The following STK38L variants were observed in gnomAD, a reference collection of about 807,000 sequenced individuals.
STK38L encodes serine/threonine-protein kinase 38-like.
Under a neutral mutation model 59.7 loss-of-function variants are expected in STK38L, and 28 were observed. The ratio of observed to expected loss-of-function variants is 0.47; its 90% CI spans 0.35 to 0.64. The LOEUF (loss-of-function observed/expected upper bound fraction) is 0.64, where lower values mean the gene tolerates loss of function less well. STK38L is among the 30% of genes least tolerant of loss of function. The probability of loss-of-function intolerance (pLI) is 0.01; values close to 1 mark genes in which losing one functional copy is unlikely to be tolerated. For synonymous variants in STK38L, 162 were observed against 176.8 expected, an observed-to-expected ratio of 0.92 and a Z score of 0.66; for missense variants, 314 against 555.8, an observed-to-expected ratio of 0.56 and a Z score of 4.37.
intron 12 of STK38L, 88 bp downstream of exon 12, chr12:27,319,511 T>C: frequency 1.1e-6 from 1 of 872,354 alleles, no homozygotes; most frequent in East Asian, 2.5e-5. Flanking sequence ...TCTGCTAGAT[T>C]AAATACAAAA....
chr12:27,316,983 G>A (rs1944600734), intron 9 of STK38L, among the ~76,000 whole-genome samples: 1 of 152,128 alleles, frequency 6.6e-6, no homozygotes, highest in South Asian at 2.1e-4. Flanking sequence ...GAAATAGACT[G>A]AAGGCTATAT....
intron 11 of STK38L, 77 bp downstream of exon 11, chr12:27,318,096 G>T (rs1160815740): frequency 1.9e-6 from 3 of 1,564,510 alleles, no homozygotes; most frequent in African/African-American, 1.4e-5. Context: ...TTTCACTTTT[G>T]TGGGGGAAGA....
chr12:27,325,213 C>T lies in STK38L; in HGVS notation c.*2758C>T, dbSNP rs1944813204. On this transcript the variant is annotated 3_prime_UTR_variant, in exon 14 of 14. Coordinates refer to ENST00000389032, the MANE Select transcript of STK38L (RefSeq NM_015000.4). ...CTTATAAACCAGCCACTTCTGAATACAATATGTAGCTGATTTAATAAGCTA... is the reference window on the plus strand; with the variant it reads ...CTTATAAACCAGCCACTTCTGAATATAATATGTAGCTGATTTAATAAGCTA... 6.6e-6 allele frequency: 1 copy of T among 152,054 alleles called. No individual in the cohort carries two copies. The highest frequency in any genetic ancestry group is 2.1e-4 in the South Asian group (1 of 4,832). The allele number at this position is 152,054 out of a possible 1,614,324, so 9.4% of individuals were successfully genotyped here.
chr12:27,268,090 G>A (rs1018380282), intron 1 of STK38L, among the ~76,000 whole-genome samples: 5 of 151,864 alleles, frequency 3.3e-5, no homozygotes, highest in African/African-American at 7.3e-5. Context: ...TCTGCTAGTC[G>A]GTGGCTTATT....
chr12:27,292,692 T>C (rs1448548789), intron 1 of STK38L, among the ~76,000 whole-genome samples: 1 of 152,208 alleles, frequency 6.6e-6, no homozygotes, highest in Non-Finnish European at 1.5e-5. Context: ...TTTGCCCTTA[T>C]TTGGTTTTTA....
chr12:27,268,014 G>A (rs1181019660), intron 1 of STK38L, among the ~76,000 whole-genome samples: 1 of 152,156 alleles, frequency 6.6e-6, no homozygotes, highest in Non-Finnish European at 1.5e-5. Flanking sequence ...AAACAACTTT[G>A]TAAGAATAGC....
rs575860774 is a variant in STK38L at position 27,314,776 on chromosome 12, G to A, written c.672+118G>A. The stretch of plus-strand genomic sequence containing the variant: ...AGAATATTGCTAAACAACATTATAT[G>A]ATAAGGTACTAGGAGAGGACTTGGG... On this transcript the variant is annotated intron_variant, in intron 7 of 13. Transcript: ENST00000389032. 6.6e-5 allele frequency: 79 copies of A among 1,188,742 alleles called. No individual in the cohort carries two copies. In the African/African-American group the frequency reaches 1.1e-3, roughly 17 times the overall value. The allele number at this position is 1,188,742 out of a possible 1,614,324, so 73.6% of individuals were successfully genotyped here.
chr12:27,304,258 CAA>C (rs34994566), intron 3 of STK38L, among the ~76,000 whole-genome samples: 1,180 of 62,816 alleles, frequency 0.019, 8 homozygotes, highest in Middle Eastern at 0.057. Flanking sequence ...GAGTCTGTCT[CAA>C]AAAAAAAAAA....
intron 2 of STK38L, among the ~76,000 whole-genome samples, chr12:27,298,721 T>G (rs1378664088): frequency 6.6e-6 from 1 of 152,084 alleles, no homozygotes; most frequent in African/African-American, 2.4e-5. Context: ...TATACATGCA[T>G]AAAAGGAAGG....
In STK38L at chr12:27,323,258, T is replaced by G. The variant is rs985427511; in HGVS notation, c.*803T>G. The stretch of plus-strand genomic sequence containing the variant: ...TTCTTGTGACAAGAGAACTTCTTTT[T>G]TTAACAAGAGGACATGGCATTATTT... On this transcript the variant is annotated 3_prime_UTR_variant, in exon 14 of 14. Transcript: ENST00000389032. 1 of 152,218 alleles carries G rather than the reference T, an allele frequency of 6.6e-6. No homozygotes were observed. The highest frequency in any genetic ancestry group is 1.5e-5 in the Non-Finnish European group (1 of 68,008). 9.4% of individuals were successfully genotyped at this position (152,218 alleles called of 1,614,324 possible). A position where few individuals can be genotyped will look rare whatever the true frequency, so the allele number is the denominator to read the frequency against.
intron 1 of STK38L, among the ~76,000 whole-genome samples, chr12:27,249,313 C>T (rs1942922638): frequency 6.6e-6 from 1 of 152,120 alleles, no homozygotes. Flanking sequence ...TGTGATAACA[C>T]TTCTACTATG....
At chr12:27,260,375 A>G (rs1474183089) in intron 1 of STK38L, among the ~76,000 whole-genome samples, 1 of 152,224 alleles carries the variant, frequency 6.6e-6, no homozygotes, top group Non-Finnish European at 1.5e-5. Flanking sequence ...TTCTCATAAC[A>G]TCTAGTGAAA....
intron 1 of STK38L, among the ~76,000 whole-genome samples, chr12:27,264,374 AAG>A (rs1943260529): frequency 6.6e-6 from 1 of 152,192 alleles, no homozygotes; most frequent in Non-Finnish European, 1.5e-5. Context: ...GGTGGGATGA[AAG>A]AGATTTTGAA....
chr12:27,297,956 C>T, intron 2 of STK38L, 102 bp downstream of exon 2: 2 of 1,403,132 alleles, frequency 1.4e-6, no homozygotes, highest in South Asian at 1.3e-5. Flanking sequence ...TATTATGGAT[C>T]CCTGCATGCT....
At chr12:27,320,657 C>G (rs1026676081) in intron 12 of STK38L, among the ~76,000 whole-genome samples, 1 of 151,990 alleles carries the variant, frequency 6.6e-6, no homozygotes, top group Non-Finnish European at 1.5e-5. Context: ...ACTTTACTTG[C>G]GTTTCTCATC....
chr12:27,284,149 T>C (rs1009681390), intron 1 of STK38L, among the ~76,000 whole-genome samples: 17 of 152,198 alleles, frequency 1.1e-4, no homozygotes, highest in Non-Finnish European at 2.1e-4. Flanking sequence ...GTGTTAGATA[T>C]GGACATGAGT....
Position 27,317,887 on chromosome 12 carries a change from G to T in STK38L, c.956-9G>T. 6.2e-7 allele frequency: 1 copy of T among 1,611,744 alleles called. No homozygotes were observed. The highest frequency in any genetic ancestry group is 1.1e-5 in the South Asian group (1 of 90,854). On this transcript the variant is annotated splice_polypyrimidine_tract_variant and intron_variant, in intron 10 of 13. Coordinates refer to ENST00000389032, the MANE Select transcript of STK38L (RefSeq NM_015000.4). ...CTGATGAAACATTTTTGATTTATTT[G>T]ATACATAGGATATCCACCTTTCTGC...
chr12:27,269,301 G>A (rs1943368567), intron 1 of STK38L, among the ~76,000 whole-genome samples: 1 of 152,132 alleles, frequency 6.6e-6, no homozygotes, highest in Non-Finnish European at 1.5e-5. Context: ...TTTTGTATAA[G>A]GTGTAAGGAA....
intron 1 of STK38L, among the ~76,000 whole-genome samples, chr12:27,266,622 TG>T (rs1388635158): frequency 1.3e-5 from 2 of 152,222 alleles, no homozygotes; most frequent in Non-Finnish European, 2.9e-5. Context: ...TATTTAGTTA[TG>T]GGGTTTGATC....
Sources: allele counts gnomAD v4.1 joint callset (sites outside exome capture counted in the v4.1 genomes callset), GRCh38; gene constraint gnomAD v4.1.1; transcripts MANE v1.5; gene names NCBI Gene and HGNC (gene_info 2026-07-23, HGNC 2026-07-21).